The following MYO16 variants were observed in gnomAD, a reference collection of about 807,000 sequenced individuals.
MYO16 encodes the protein myosin XVI.
In MYO16, 94 loss-of-function variants were observed where a neutral mutation model predicts 205.3. That is an observed-to-expected ratio of 0.46 (90% CI 0.39 to 0.54). The LOEUF is 0.54. MYO16 is among the 20% of genes least tolerant of loss of function. The pLI is 0.00. For synonymous variants in MYO16, 988 were observed against 954.0 expected, an observed-to-expected ratio of 1.04 and a Z score of -0.66; for missense variants, 2,315 against 2,387.5, an observed-to-expected ratio of 0.97 and a Z score of 0.63.
intron 16 of MYO16, among the ~76,000 whole-genome samples, chr13:108,943,269 T>C (rs1428225943): frequency 2.0e-5 from 3 of 152,150 alleles, no homozygotes; most frequent in African/African-American, 4.8e-5. Context: ...TACAAGAACA[T>C]TGTTTACCAG....
the MYO16 span, among the ~76,000 whole-genome samples, chr13:108,569,302 G>A: frequency 2.0e-5 from 3 of 152,072 alleles, no homozygotes; most frequent in East Asian, 1.9e-4. Context: ...AATGTGTAAT[G>A]CCTTTTATTT....
At position 108,614,055 on chromosome 13, in the gene MYO16, A is replaced by C. The variant is rs370743795; in HGVS notation, c.-39+17816A>C. ...GAAGCAAAATTATCTATTCTTAGAC[A>C]ACATGATCTTGCATATAGAAAATTG... On this transcript the variant is annotated intron_variant, in intron 1 of 24. Transcript: ENST00000251041. Among the ~76,000 whole-genome samples, 5 of 152,234 alleles carry C rather than the reference A, an allele frequency of 3.3e-5. No homozygotes were observed. The East Asian group carries it at 9.6e-4, about 29-fold the overall frequency.
intron 33 of MYO16, among the ~76,000 whole-genome samples, chr13:109,174,235 G>C (rs1363543085): frequency 2.0e-5 from 3 of 152,106 alleles, no homozygotes; most frequent in Admixed American, 6.6e-5. Context: ...TTCTATAAGC[G>C]GATTTGGAGC....
chr13:108,707,532 A>T (rs1029815354), intron 2 of MYO16, among the ~76,000 whole-genome samples: 4 of 152,118 alleles, frequency 2.6e-5, no homozygotes, highest in African/African-American at 9.7e-5. Context: ...ACCTCCTGTG[A>T]GCTCACCCTG....
At chr13:109,012,342 C>T (rs1010161077) in intron 22 of MYO16, among the ~76,000 whole-genome samples, 5 of 152,170 alleles carry the variant, frequency 3.3e-5, no homozygotes, top group South Asian at 4.2e-4. Flanking sequence ...AGCCACTCCC[C>T]GTCACTGGCA....
intron 28 of MYO16, among the ~76,000 whole-genome samples, chr13:109,110,622 T>C (rs1279924747): frequency 6.6e-6 from 1 of 152,184 alleles, no homozygotes. Context: ...AATGTATCCT[T>C]TGAGAACGTT....
intron 33 of MYO16, among the ~76,000 whole-genome samples, chr13:109,174,319 G>T (rs548432049): frequency 1.3e-5 from 2 of 152,096 alleles, no homozygotes; most frequent in African/African-American, 2.4e-5. Flanking sequence ...TTTAGGCCAG[G>T]GTTCCAGGAT....
At chr13:108,815,201 A>T (rs1875504243) in intron 7 of MYO16, among the ~76,000 whole-genome samples, 1 of 152,212 alleles carries the variant, frequency 6.6e-6, no homozygotes, top group Non-Finnish European at 1.5e-5. Flanking sequence ...TGCAGTTGTC[A>T]TTGAGACACT....
intron 14 of MYO16, among the ~76,000 whole-genome samples, chr13:108,896,249 G>A (rs1880407739): frequency 6.6e-6 from 1 of 151,944 alleles, no homozygotes; most frequent in East Asian, 1.9e-4. Flanking sequence ...ATTGTTTAAT[G>A]TAATATTATT....
the MYO16 span, among the ~76,000 whole-genome samples, chr13:108,567,410 G>T: frequency 2.4e-4 from 37 of 152,266 alleles, 1 homozygote; most frequent in East Asian, 6.6e-3. Context: ...GTTAGCCCGG[G>T]TGATAAGATT....
intron 34 of MYO16, among the ~76,000 whole-genome samples, chr13:109,191,905 T>A (rs1197185376): frequency 6.6e-6 from 1 of 152,212 alleles, no homozygotes; most frequent in Admixed American, 6.5e-5. Flanking sequence ...TTTTTGTAAG[T>A]GGAAAATATT....
At chr13:109,025,346 A>G (rs924849063) in intron 23 of MYO16, among the ~76,000 whole-genome samples, 1 of 152,198 alleles carries the variant, frequency 6.6e-6, no homozygotes, top group African/African-American at 2.4e-5. Context: ...GAAATGTTTA[A>G]GCAACATTAT....
chr13:109,151,675 G>C (rs1311502159), intron 32 of MYO16, among the ~76,000 whole-genome samples: 1 of 152,138 alleles, frequency 6.6e-6, no homozygotes, highest in East Asian at 1.9e-4. Flanking sequence ...GGTACATGAG[G>C]GTGTGTCCCT....
At chr13:108,663,221 A>G (rs1881580443) in intron 1 of MYO16, among the ~76,000 whole-genome samples, 2 of 152,142 alleles carry the variant, frequency 1.3e-5, no homozygotes, top group Non-Finnish European at 2.9e-5. Flanking sequence ...GCAAGCCTCT[A>G]CATGCTGCTC....
chr13:108,625,422 A>G (rs141432008), upstream of MYO16, among the ~76,000 whole-genome samples: 44 of 152,248 alleles, frequency 2.9e-4, no homozygotes, highest in African/African-American at 9.4e-4. Flanking sequence ...GCAAGAGCTG[A>G]GTGTATTTAT....
At chr13:109,138,534 T>A (rs1323613132) in intron 31 of MYO16, among the ~76,000 whole-genome samples, 1 of 152,164 alleles carries the variant, frequency 6.6e-6, no homozygotes, top group Non-Finnish European at 1.5e-5. Context: ...TTTTGTTCCA[T>A]CTCTTTTGAA....
chr13:108,578,349 A>G, the MYO16 span, among the ~76,000 whole-genome samples: 2 of 152,250 alleles, frequency 1.3e-5, no homozygotes, highest in African/African-American at 4.8e-5. Context: ...TTTATATAAC[A>G]AAATATCTCA....
chr13:108,546,613 A>T, the MYO16 span, among the ~76,000 whole-genome samples: 259 of 151,614 alleles, frequency 1.7e-3, 1 homozygote, highest in African/African-American at 5.5e-3. Context: ...CACTTTCTGA[A>T]TTTTTTTTGC....
At chr13:108,517,034 G>A in the MYO16 span, among the ~76,000 whole-genome samples, 7 of 152,104 alleles carry the variant, frequency 4.6e-5, no homozygotes, top group East Asian at 1.9e-4. Flanking sequence ...GGGTTCAAGC[G>A]GTCCTCCCAC....
Sources: allele counts gnomAD v4.1 joint callset (sites outside exome capture counted in the v4.1 genomes callset), GRCh38; gene constraint gnomAD v4.1.1; transcripts MANE v1.5; gene names NCBI Gene and HGNC (gene_info 2026-07-23, HGNC 2026-07-21).